PTBP3: variants seen among roughly 807,000 people sequenced by gnomAD.
PTBP3 encodes polypyrimidine tract-binding protein 3.
In PTBP3, 20 loss-of-function variants were observed where a neutral mutation model predicts 58.7. The ratio of observed to expected loss-of-function variants is 0.34; its 90% confidence interval spans 0.24 to 0.50. The LOEUF (loss-of-function observed/expected upper bound fraction) is 0.50. Among genes scored for constraint, PTBP3 ranks in the 20% least tolerant of loss-of-function variants. PTBP3 has a pLI of 0.98. For synonymous variants in PTBP3, 185 were observed against 219.8 expected, an observed-to-expected ratio of 0.84 and a Z score of 1.40; for missense variants, 509 against 637.2, an observed-to-expected ratio of 0.80 and a Z score of 2.17.
intron 11 of PTBP3, 69 bp from the exon 12 acceptor site, chr9:112,227,696 T>C (rs1835045468): frequency 8.8e-7 from 1 of 1,132,190 alleles, no homozygotes; most frequent in Non-Finnish European, 1.3e-6. Context: ...TCTGACAACA[T>C]TACCATAAAT....
intron 1 of PTBP3, among the ~76,000 whole-genome samples, chr9:112,322,134 C>CA (rs149553072): frequency 0.67 from 46,143 of 69,304 alleles, 14,726 homozygotes; most frequent in South Asian, 0.77. Flanking sequence ...GACTCCATCT[C>CA]AAAAAAAAAA....
the PTBP3 span, chr9:112,379,836 C>T: frequency 2.0e-6 from 1 of 503,882 alleles, no homozygotes; most frequent in South Asian, 2.4e-5. Context: ...TGACGCTGCC[C>T]AGACGCTAGG....
At chr9:112,227,954 A>G (rs1200732086) in intron 11 of PTBP3, among the ~76,000 whole-genome samples, 1 of 152,170 alleles carries the variant, frequency 6.6e-6, no homozygotes, top group Non-Finnish European at 1.5e-5. Context: ...TTTTATAAGA[A>G]ATTTTGAGTA....
At chr9:112,245,207 G>A (rs1745034527) in intron 7 of PTBP3, among the ~76,000 whole-genome samples, 1 of 152,170 alleles carries the variant, frequency 6.6e-6, no homozygotes, top group African/African-American at 2.4e-5. Context: ...GCTACTCGCA[G>A]GCTGAGGCAT....
chr9:112,363,009 T>C, the PTBP3 span: 10 of 215,472 alleles, frequency 4.6e-5, no homozygotes, highest in Admixed American at 2.1e-4. Context: ...CTGAGATAGC[T>C]CACAATGTGT....
chr9:112,265,548 C>A (rs527731374), intron 4 of PTBP3, among the ~76,000 whole-genome samples: 14 of 152,038 alleles, frequency 9.2e-5, no homozygotes, highest in East Asian at 1.9e-4. Context: ...ACAACAACAA[C>A]AAAAAATTAA....
chr9:112,331,500 T>C (rs1233148453), intron 1 of PTBP3, among the ~76,000 whole-genome samples: 1 of 152,238 alleles, frequency 6.6e-6, no homozygotes, highest in African/African-American at 2.4e-5. Flanking sequence ...CTAGATGATG[T>C]AAACTGTTTT....
At chr9:112,295,112 C>T (rs142351353) in intron 2 of PTBP3, among the ~76,000 whole-genome samples, 153 of 151,950 alleles carry the variant, frequency 1.0e-3, no homozygotes, top group African/African-American at 3.5e-3. Flanking sequence ...CGGTGGCAGG[C>T]GCCTATAATC....
chr9:112,371,418 C>T, the PTBP3 span, among the ~76,000 whole-genome samples: 25,944 of 152,112 alleles, frequency 0.17, 2,491 homozygotes, highest in East Asian at 0.24. Flanking sequence ...GGATTTTTCA[C>T]GTGAACCCCT....
At position 112,267,437 on chromosome 9, in the gene PTBP3, C is replaced by A. The variant is rs999352151; in HGVS notation, c.351+612G>T. On this transcript the variant is annotated intron_variant, in intron 4 of 13. Coordinates refer to ENST00000374257, the MANE Select transcript of PTBP3 (RefSeq NM_001163788.4). ...CCGCCTCGGCCTCCCAAACCGCGCC[C>A]GGCCAAAAACCACCTTCTTAAAATG... Among the ~76,000 whole-genome samples, 4 of 151,902 alleles carry A rather than the reference C, an allele frequency of 2.6e-5. No individual in the cohort carries two copies. The South Asian group carries it at 8.3e-4, about 32-fold the overall frequency.
At chr9:112,296,294 G>C (rs144571349) in intron 2 of PTBP3, among the ~76,000 whole-genome samples, 94 of 152,144 alleles carry the variant, frequency 6.2e-4, no homozygotes, top group African/African-American at 2.2e-3. Context: ...TGACTGTTAA[G>C]TCCTAGTTTG....
rs540894462 is a variant in PTBP3, at chr9:112,257,981, T to C, written c.516+4454A>G. On this transcript the variant is annotated intron_variant, in intron 5 of 13. Coordinates refer to ENST00000374257, the MANE Select transcript of PTBP3 (RefSeq NM_001163788.4). ...AAAAAAAAGTGTATTCACATTAGAA[T>C]TTTTTTTTAGTATCAAGCACACTGG... 5.3e-5 allele frequency among the ~76,000 whole-genome samples: 8 copies of C among 150,244 alleles called. No homozygotes were observed. In the South Asian group the frequency reaches 1.7e-3, roughly 32 times the overall value.
chr9:112,289,787 G>A (rs1828297572), intron 2 of PTBP3, among the ~76,000 whole-genome samples: 1 of 152,116 alleles, frequency 6.6e-6, no homozygotes, highest in African/African-American at 2.4e-5. Context: ...TTTTGTGTGT[G>A]TGTATATATA....
chr9:112,268,599 G>A (rs1442906256), intron 3 of PTBP3, among the ~76,000 whole-genome samples: 2 of 151,658 alleles, frequency 1.3e-5, no homozygotes, highest in Admixed American at 1.3e-4. Flanking sequence ...GGGGTGGGGG[G>A]GTGAGGGAGG....
At chr9:112,238,848 T>C (rs1039963904) in intron 7 of PTBP3, among the ~76,000 whole-genome samples, 1 of 152,134 alleles carries the variant, frequency 6.6e-6, no homozygotes, top group African/African-American at 2.4e-5. Context: ...AAGAAAGATA[T>C]TTTGGGGCAA....
chr9:112,297,115 C>T (rs12376681), intron 2 of PTBP3, among the ~76,000 whole-genome samples: 73,545 of 151,972 alleles, frequency 0.48, 18,119 homozygotes, highest in African/African-American at 0.57. Context: ...TTTAAAATCA[C>T]GTGGTACCTT....
chr9:112,275,389 C>A (rs879090045), intron 3 of PTBP3, among the ~76,000 whole-genome samples: 1 of 152,166 alleles, frequency 6.6e-6, no homozygotes, highest in Non-Finnish European at 1.5e-5. Context: ...CCCACCTCGG[C>A]CTCCCAAAGT....
the PTBP3 span, among the ~76,000 whole-genome samples, chr9:112,367,756 T>C: frequency 1.4e-4 from 21 of 152,314 alleles, no homozygotes; most frequent in African/African-American, 4.6e-4. Context: ...TTGATTATAA[T>C]GGGCCTCAGT....
chr9:112,340,885 A>AAT, the PTBP3 span, among the ~76,000 whole-genome samples: 72 of 149,192 alleles, frequency 4.8e-4, no homozygotes, highest in East Asian at 6.6e-3. Context: ...TCAAAAAAAA[A>AAT]AAATAAATAA....
Sources: gnomAD v4.1 joint callset for allele counts (sites outside exome capture counted in the v4.1 genomes callset) on GRCh38, gnomAD v4.1.1 for gene constraint, MANE v1.5 for transcripts, NCBI Gene and HGNC (gene_info 2026-07-23, HGNC 2026-07-21) for gene names.